Variants in UBE2F observed in about 807,000 individuals in gnomAD.
The protein encoded by UBE2F is NEDD8-conjugating enzyme UBE2F.
In UBE2F, 5 loss-of-function variants were observed where a neutral mutation model predicts 29.6. That is an observed-to-expected ratio of 0.17 (90% CI 0.09 to 0.36). The LOEUF is 0.36. Among genes scored for constraint, UBE2F ranks in the 10% least tolerant of loss-of-function variants. The pLI is 1.00. For missense variants in UBE2F, 141 were observed against 228.5 expected (o/e 0.62, Z 2.47); for synonymous variants, 66 against 81.8 (o/e 0.81, Z 1.04).
chr2:238,007,497 A>G (rs1451799849), intron 4 of UBE2F, among the ~76,000 whole-genome samples: 1 of 146,840 alleles, frequency 6.8e-6, no homozygotes, highest in Non-Finnish European at 1.5e-5. Context: ...ATATATACAT[A>G]TATATGTATA....
intron 3 of UBE2F, among the ~76,000 whole-genome samples, chr2:237,993,689 G>A: frequency 6.6e-6 from 1 of 152,172 alleles, no homozygotes; most frequent in East Asian, 1.9e-4. Flanking sequence ...CTCCAGTCCA[G>A]GCAACAGAGT....
At chr2:238,027,554 A>G (rs1169074369) in intron 6 of UBE2F, among the ~76,000 whole-genome samples, 1 of 152,140 alleles carries the variant, frequency 6.6e-6, no homozygotes, top group Non-Finnish European at 1.5e-5. Flanking sequence ...GTGTATTTGC[A>G]CACCTTTCAT....
chr2:237,976,646 C>T (rs1279083240), intron 2 of UBE2F, among the ~76,000 whole-genome samples: 1 of 152,188 alleles, frequency 6.6e-6, no homozygotes, highest in Non-Finnish European at 1.5e-5. Flanking sequence ...CTAGTTTCCT[C>T]CTGCTCTTTT....
At chr2:238,014,732 G>A (rs571528912) in intron 4 of UBE2F, among the ~76,000 whole-genome samples, 64 of 152,318 alleles carry the variant, frequency 4.2e-4, no homozygotes, top group African/African-American at 1.5e-3. Flanking sequence ...GCCTGGCATT[G>A]GATTTCTGTG....
intron 4 of UBE2F, among the ~76,000 whole-genome samples, chr2:238,006,574 A>G (rs1001198303): frequency 6.6e-6 from 1 of 152,076 alleles, no homozygotes; most frequent in Non-Finnish European, 1.5e-5. Flanking sequence ...TGTATTGTGG[A>G]TTCTGTAGAC....
In UBE2F at chr2:237,967,789, C is replaced by T. The variant is rs1396978693; in HGVS notation, c.-17+657C>T. Among the ~76,000 whole-genome samples, 1 of 152,224 alleles carries T rather than the reference C, an allele frequency of 6.6e-6. No homozygotes were observed. The highest frequency in any genetic ancestry group is 2.4e-5 in the African/African-American group (1 of 41,458). On this transcript the variant is annotated intron_variant, in intron 1 of 9. Transcript: ENST00000272930. The surrounding 1 kb of genome is among the most constrained non-coding windows in gnomAD (Gnocchi z 6.3). Reference sequence around the variant, plus strand: ...ACGAGGAAGGAAGGGCATCTTGGAACAATTAGTGCAGCAGAGTCTTGGTTC... The same window carrying T: ...ACGAGGAAGGAAGGGCATCTTGGAATAATTAGTGCAGCAGAGTCTTGGTTC...
At chr2:237,980,593 G>A (rs1295800276) in intron 2 of UBE2F, among the ~76,000 whole-genome samples, 1 of 152,134 alleles carries the variant, frequency 6.6e-6, no homozygotes, top group Non-Finnish European at 1.5e-5. Context: ...ATATGAATTT[G>A]GGGGTGGAGG....
chr2:237,999,117 C>T (rs1444644305), intron 4 of UBE2F, among the ~76,000 whole-genome samples: 2 of 151,774 alleles, frequency 1.3e-5, no homozygotes, highest in Non-Finnish European at 2.9e-5. Flanking sequence ...GAGTCTCGCT[C>T]TGTCACCCAG....
rs1449890126 is a variant in UBE2F at position 237,997,515 on chromosome 2, T to G, written c.214+2706T>G. ...AAAAATTTTAGAATCCTGCTCCTCT[T>G]CATATTGAAAACAAATTACAGTGAT... On this transcript the variant is annotated intron_variant, in intron 4 of 9. Coordinates refer to ENST00000272930, the MANE Select transcript of UBE2F (RefSeq NM_080678.3). Among the ~76,000 whole-genome samples the G allele has an allele frequency of 2.6e-5, 4 of 152,212 alleles. No homozygotes were observed. The East Asian group carries it at 7.7e-4, about 29-fold the overall frequency.
intron 9 of UBE2F, among the ~76,000 whole-genome samples, chr2:238,036,261 C>G (rs1220732094): frequency 1.3e-5 from 2 of 152,176 alleles, no homozygotes; most frequent in African/African-American, 2.4e-5. Flanking sequence ...CAGCCTCCAC[C>G]TTCTGGGCTC....
intron 1 of UBE2F, chr2:237,968,799 G>A (rs1042344654): frequency 1.3e-5 from 13 of 979,192 alleles, no homozygotes; most frequent in Non-Finnish European, 4.9e-6. Flanking sequence ...ATCTGTTACC[G>A]AAATGCTGCC....
intron 2 of UBE2F, among the ~76,000 whole-genome samples, chr2:237,985,193 A>G (rs569361892): frequency 3.9e-4 from 60 of 152,162 alleles, no homozygotes; most frequent in Non-Finnish European, 8.5e-4. Context: ...GTGAATTAAT[A>G]TATTCATCTT....
At chr2:238,025,258 T>C in intron 5 of UBE2F, 84 bp from the exon 6 acceptor site, 1 of 1,159,122 alleles carries the variant, frequency 8.6e-7, no homozygotes. Context: ...AGCGTCTAGA[T>C]AGGGGATGTG....
chr2:237,967,260 C>CG lies in UBE2F; in HGVS notation c.-17+133dup. 6.8e-6 allele frequency: 4 copies of CG among 590,078 alleles called. No individual in the cohort carries two copies. The highest frequency in any genetic ancestry group is 8.5e-6 in the Non-Finnish European group (4 of 471,322). 36.6% of individuals were successfully genotyped at this position (590,078 alleles called of 1,614,324 possible). On this transcript the variant is annotated intron_variant, in intron 1 of 9. Transcript: ENST00000272930. This position sits in a 1 kb window ranked among gnomAD's most constrained non-coding sequence, Gnocchi z 6.3. ...CTCGGGCCCGCCGGGTTCCTCACGC[C>CG]GGGGGCCTGGCGGGCGCGGGCACCC...
intron 5 of UBE2F, among the ~76,000 whole-genome samples, chr2:238,018,878 A>T (rs1012477078): frequency 1.3e-5 from 2 of 152,240 alleles, no homozygotes; most frequent in Admixed American, 1.3e-4. Context: ...AATGTTTGTC[A>T]TACTGTCTTG....
At chr2:237,976,897 G>A (rs1180547439) in intron 2 of UBE2F, among the ~76,000 whole-genome samples, 1 of 152,176 alleles carries the variant, frequency 6.6e-6, no homozygotes, top group African/African-American at 2.4e-5. Flanking sequence ...CAGTTTGCGG[G>A]TTTATTGCAG....
intron 5 of UBE2F, among the ~76,000 whole-genome samples, chr2:238,023,097 G>A (rs2064333675): frequency 6.6e-6 from 1 of 152,194 alleles, no homozygotes; most frequent in African/African-American, 2.4e-5. Context: ...GTACCTGCTT[G>A]GGAGGGAGAG....
chr2:237,993,092 A>G lies in UBE2F; in HGVS notation c.149-1652A>G, dbSNP rs182207861. 6.8e-3 allele frequency among the ~76,000 whole-genome samples: 1,040 copies of G among 151,908 alleles called. 21 individuals carry two copies. The highest frequency in any genetic ancestry group is 0.024 in the African/African-American group (975 of 41,404). On this transcript the variant is annotated intron_variant, in intron 3 of 9. Transcript: ENST00000272930. ...AACCTCTGCCTCCCAGGTTCAGGCAATTCTCCTGCCTCAGCCTCCCAAGTA... is the reference window on the plus strand; with the variant it reads ...AACCTCTGCCTCCCAGGTTCAGGCAGTTCTCCTGCCTCAGCCTCCCAAGTA...
At chr2:237,974,526 T>TG (rs2063239211) in intron 2 of UBE2F, among the ~76,000 whole-genome samples, 1 of 143,408 alleles carries the variant, frequency 7.0e-6, no homozygotes, top group Non-Finnish European at 1.5e-5. Context: ...TTTTTTTTTT[T>TG]TTTTTGAGAT....
Sources: gnomAD v4.1 joint callset for allele counts (sites outside exome capture counted in the v4.1 genomes callset) on GRCh38, gnomAD v4.1.1 for gene constraint, Gnocchi (gnomAD v3.1) non-coding constraint, MANE v1.5 for transcripts, NCBI Gene and HGNC (gene_info 2026-07-23, HGNC 2026-07-21) for gene names.